RABGAP1L: variants seen among roughly 807,000 people sequenced by gnomAD.
RABGAP1L encodes the protein rab GTPase-activating protein 1-like.
In RABGAP1L, 63 loss-of-function variants were observed where a neutral mutation model predicts 137.7. That is an observed-to-expected ratio of 0.46 (90% CI 0.37 to 0.56). RABGAP1L has a LOEUF of 0.56. Among genes scored for constraint, RABGAP1L ranks in the 20% least tolerant of loss-of-function variants. The pLI is 0.00. For synonymous variants in RABGAP1L, 431 were observed against 433.7 expected (o/e 0.99, Z 0.08); for missense variants, 1,095 against 1,244.0 (o/e 0.88, Z 1.80).
At chr1:174,723,828 G>T (rs570776847) in intron 17 of RABGAP1L, among the ~76,000 whole-genome samples, 1 of 152,254 alleles carries the variant, frequency 6.6e-6, no homozygotes, top group East Asian at 1.9e-4. Context: ...TACCTCAGGG[G>T]TTTGTCATAC....
chr1:174,389,800 G>A (rs1413637088), intron 12 of RABGAP1L, among the ~76,000 whole-genome samples: 1 of 152,128 alleles, frequency 6.6e-6, no homozygotes, highest in Non-Finnish European at 1.5e-5. Context: ...TCTTGCCATT[G>A]TGGAGTTTCT....
At chr1:174,851,659 C>T (rs1020440626) in intron 19 of RABGAP1L, among the ~76,000 whole-genome samples, 3 of 151,724 alleles carry the variant, frequency 2.0e-5, no homozygotes, top group East Asian at 1.9e-4. Context: ...GCTACAGACA[C>T]GCACCACCAT....
At chr1:174,782,795 AC>A (rs1211010696) in intron 18 of RABGAP1L, among the ~76,000 whole-genome samples, 1 of 152,198 alleles carries the variant, frequency 6.6e-6, no homozygotes, top group African/African-American at 2.4e-5. Context: ...CTCAGCTCAC[AC>A]CTGACCAATC....
At chr1:174,388,072 G>A (rs2149068004) in intron 12 of RABGAP1L, among the ~76,000 whole-genome samples, 1 of 152,136 alleles carries the variant, frequency 6.6e-6, no homozygotes, top group East Asian at 1.9e-4. Context: ...AAAATAGGTA[G>A]GCATTTACAT....
chr1:174,664,338 T>C (rs1557963619), intron 14 of RABGAP1L, among the ~76,000 whole-genome samples: 1 of 152,230 alleles, frequency 6.6e-6, no homozygotes, highest in Non-Finnish European at 1.5e-5. Context: ...AGTTGTCATT[T>C]GTTAACTACT....
chr1:174,597,047 T>C (rs1038426905), intron 13 of RABGAP1L, among the ~76,000 whole-genome samples: 29 of 152,238 alleles, frequency 1.9e-4, no homozygotes, highest in African/African-American at 6.8e-4. Context: ...GAACCATCCT[T>C]ACATCCTGGG....
intron 13 of RABGAP1L, among the ~76,000 whole-genome samples, chr1:174,616,869 A>G (rs1255040168): frequency 1.3e-5 from 2 of 152,192 alleles, no homozygotes; most frequent in Non-Finnish European, 1.5e-5. Flanking sequence ...GCCTGGAGGT[A>G]CTATGTTCTG....
At chr1:174,909,096 T>C (rs1372882585) in intron 19 of RABGAP1L, among the ~76,000 whole-genome samples, 2 of 150,644 alleles carry the variant, frequency 1.3e-5, no homozygotes, top group African/African-American at 4.9e-5. Flanking sequence ...GGAGAATCTC[T>C]TAAACCCAGG....
intron 12 of RABGAP1L, among the ~76,000 whole-genome samples, chr1:174,385,054 A>G (rs886374857): frequency 1.3e-5 from 2 of 152,306 alleles, no homozygotes; most frequent in South Asian, 2.1e-4. Context: ...TGATTTAGCC[A>G]TTTTAAAAAC....
intron 13 of RABGAP1L, among the ~76,000 whole-genome samples, chr1:174,585,337 C>T (rs928113148): frequency 1.3e-5 from 2 of 152,118 alleles, no homozygotes; most frequent in African/African-American, 4.8e-5. Context: ...CCAAAGAGGG[C>T]TAAATTTTGC....
chr1:174,395,604 T>C (rs1326776725), intron 13 of RABGAP1L, among the ~76,000 whole-genome samples: 2 of 152,186 alleles, frequency 1.3e-5, no homozygotes, highest in African/African-American at 4.8e-5. Flanking sequence ...AAACTTTAAA[T>C]ATGTTTAAAA....
chr1:174,329,527 A>G (rs1680829245), intron 11 of RABGAP1L, among the ~76,000 whole-genome samples: 1 of 152,212 alleles, frequency 6.6e-6, no homozygotes, highest in African/African-American at 2.4e-5. Flanking sequence ...AAGACACAAC[A>G]AAAGAGAAAA....
At chr1:174,627,510 T>C (rs1213787061) in intron 13 of RABGAP1L, among the ~76,000 whole-genome samples, 3 of 152,202 alleles carry the variant, frequency 2.0e-5, no homozygotes, top group Non-Finnish European at 2.9e-5. Context: ...AGGCACTAAA[T>C]TGAACCTACT....
intron 13 of RABGAP1L, among the ~76,000 whole-genome samples, chr1:174,444,691 T>C (rs1461509200): frequency 6.6e-6 from 1 of 152,116 alleles, no homozygotes; most frequent in Admixed American, 6.6e-5. Flanking sequence ...TGTCCAGGAA[T>C]TTAGCCATTT....
intron 13 of RABGAP1L, among the ~76,000 whole-genome samples, chr1:174,427,118 T>C (rs1652043322): frequency 6.6e-6 from 1 of 150,840 alleles, no homozygotes; most frequent in South Asian, 2.1e-4. Flanking sequence ...ATGAAACCTC[T>C]GTTTAACATA....
intron 10 of RABGAP1L, among the ~76,000 whole-genome samples, chr1:174,301,468 G>GTACTTT (rs1677700500): frequency 6.6e-6 from 1 of 151,440 alleles, no homozygotes; most frequent in Admixed American, 6.6e-5. Flanking sequence ...TCTGTTGTGT[G>GTACTTT]GGGCAGCTGC....
chr1:174,559,677 T>C lies in RABGAP1L; in HGVS notation c.1711-77698T>C, dbSNP rs906224425. ...TCCATTTCACGTCTTTCCTAAATGG[T>C]CAGTTCTTTTGGTTCTGGTTCTATT... On this transcript the variant is annotated intron_variant, in intron 13 of 25. Coordinates refer to ENST00000681986, the MANE Select transcript of RABGAP1L (RefSeq NM_001366446.1). Among the ~76,000 whole-genome samples the C allele has an allele frequency of 4.3e-4, 66 of 152,286 alleles. 1 individual carries two copies. Among genetic ancestry groups the C allele is most frequent in the Admixed American group, 1.1e-3 (17 of 15,298 alleles).
intron 11 of RABGAP1L, among the ~76,000 whole-genome samples, chr1:174,337,297 G>A (rs1488674057): frequency 1.3e-5 from 2 of 152,114 alleles, no homozygotes; most frequent in Admixed American, 6.6e-5. Context: ...AGAACCCACG[G>A]TAGCTTGCAT....
chr1:174,732,629 A>AT (rs752423897), intron 17 of RABGAP1L, among the ~76,000 whole-genome samples: 18 of 151,424 alleles, frequency 1.2e-4, no homozygotes, highest in African/African-American at 2.4e-4. Context: ...TCTCTACTCT[A>AT]TTTTTTTTTA....
Sources: gnomAD v4.1 joint callset for allele counts (sites outside exome capture counted in the v4.1 genomes callset) on GRCh38, gnomAD v4.1.1 for gene constraint, MANE v1.5 for transcripts, NCBI Gene and HGNC (gene_info 2026-07-23, HGNC 2026-07-21) for gene names.